Variants in GNAL observed in about 807,000 individuals in gnomAD.
The protein encoded by GNAL is guanine nucleotide-binding protein G(olf) subunit alpha.
GNAL carries 18 observed loss-of-function variants against 55.1 expected under a neutral mutation model. The ratio of observed to expected loss-of-function variants is 0.33; its 90% CI spans 0.23 to 0.48. GNAL has a LOEUF of 0.48. Among genes scored for constraint, GNAL ranks in the 20% least tolerant of loss-of-function variants. GNAL has a pLI of 0.99. For synonymous variants in GNAL, 253 were observed against 237.0 expected, an observed-to-expected ratio of 1.07 and a Z score of -0.62; for missense variants, 412 against 614.1, an observed-to-expected ratio of 0.67 and a Z score of 3.48.
chr18:11,851,995 C>G, intron 5 of GNAL: 1 of 1,613,666 alleles, frequency 6.2e-7, no homozygotes, highest in Non-Finnish European at 8.5e-7. Flanking sequence ...TGAGGCGGGC[C>G]TCGACCTCAA....
intron 1 of GNAL, 72 bp downstream of exon 1, chr18:11,690,011 G>T: frequency 2.2e-6 from 2 of 917,132 alleles, no homozygotes; most frequent in South Asian, 5.1e-5. Flanking sequence ...GGCGGGCACC[G>T]GGGAGCGGTG....
intron 8 of GNAL, 65 bp downstream of exon 8, chr18:11,867,291 A>T: frequency 1.0e-6 from 1 of 961,192 alleles, no homozygotes; most frequent in Non-Finnish European, 1.7e-6. Context: ...TGCTGTGCTT[A>T]ACTATTCTTG....
At chr18:11,794,027 C>G (rs1849964553) in intron 4 of GNAL, among the ~76,000 whole-genome samples, 1 of 151,948 alleles carries the variant, frequency 6.6e-6, no homozygotes. Context: ...TAGGGCAACA[C>G]AAATCAAAAC....
Position 11,853,483 on chromosome 18 carries a change from C to G in GNAL, c.723-8912C>G, listed in dbSNP as rs543617859. 6 of 167,142 alleles carry G rather than the reference C, an allele frequency of 3.6e-5. No homozygotes were observed. In the South Asian group the frequency reaches 1.2e-3, roughly 35 times the overall value. 10.4% of individuals were successfully genotyped at this position (167,142 alleles called of 1,614,324 possible). A position where few individuals can be genotyped will look rare whatever the true frequency, so the allele number is the denominator to read the frequency against. On this transcript the variant is annotated intron_variant, in intron 5 of 11. Coordinates refer to ENST00000334049, the MANE Select transcript of GNAL (RefSeq NM_182978.4). ...TTAATTCAAGTTTTTTTTAACTTACCCTTTCCTTCACTGGAAGATTTTTCC... is the reference window on the plus strand; with the variant it reads ...TTAATTCAAGTTTTTTTTAACTTACGCTTTCCTTCACTGGAAGATTTTTCC...
intron 4 of GNAL, among the ~76,000 whole-genome samples, chr18:11,772,940 C>T (rs1361545659): frequency 3.3e-5 from 5 of 152,214 alleles, no homozygotes; most frequent in South Asian, 2.1e-4. Context: ...GCATTGCCAT[C>T]GAGTGGTAGG....
rs1431492708 is a variant in GNAL at position 11,730,031 on chromosome 18, C to CTTT, written c.377-22820_377-22818dup. ...GTTGAAAGAGTTAAGTTTTTCTTTT[C>CTTT]TTTTCTTTTCTTTTTTTTTTGAGAC... is the stretch of plus-strand genomic sequence containing the variant. On this transcript the variant is annotated intron_variant, in intron 1 of 11. Transcript: ENST00000334049. Among the ~76,000 whole-genome samples, 475 of 151,386 alleles carry CTTT rather than the reference C, an allele frequency of 3.1e-3. 4 individuals are homozygous for CTTT. Among genetic ancestry groups the CTTT allele is most frequent in the African/African-American group, 0.011 (457 of 40,834 alleles).
chr18:11,728,559 G>A (rs563989309), intron 1 of GNAL, among the ~76,000 whole-genome samples: 1 of 152,236 alleles, frequency 6.6e-6, no homozygotes, highest in East Asian at 1.9e-4. Context: ...CAACTCAGGC[G>A]GGAGCTTAGA....
chr18:11,862,935 A>G (rs1013723469), intron 6 of GNAL, among the ~76,000 whole-genome samples: 1 of 144,744 alleles, frequency 6.9e-6, no homozygotes, highest in Non-Finnish European at 1.5e-5. Context: ...CTGGAGTGCT[A>G]TGTTGCAATC....
chr18:11,766,953 A>G (rs2033425650), intron 4 of GNAL, among the ~76,000 whole-genome samples: 1 of 152,132 alleles, frequency 6.6e-6, no homozygotes, highest in Admixed American at 6.5e-5. Flanking sequence ...CTTTAACTTT[A>G]CAGGTCCTTG....
chr18:11,828,237 G>C (rs2035298285), intron 5 of GNAL, among the ~76,000 whole-genome samples: 1 of 151,976 alleles, frequency 6.6e-6, no homozygotes, highest in South Asian at 2.1e-4. Flanking sequence ...TCGTTAAGCA[G>C]TCATTTAAGG....
Position 11,885,132 on chromosome 18 carries a change from C to CTT in GNAL, c.*3999_*4000dup, listed in dbSNP as rs2036993810. 1 of 1,036,514 alleles carries CTT rather than the reference C, an allele frequency of 9.6e-7. No homozygotes were observed. Among genetic ancestry groups the CTT allele is most frequent in the Admixed American group, 3.5e-5 (1 of 28,182 alleles). 64.2% of individuals were successfully genotyped at this position (1,036,514 alleles called of 1,614,324 possible). ...CAACAGTGGCAAATGTTTTCATTTA[C>CTT]TTTGAATTTGAAAATGTTAGGGTTT... On this transcript the variant is annotated 3_prime_UTR_variant, in exon 12 of 12. Transcript: ENST00000334049.
At position 11,884,375 on chromosome 18, in the gene GNAL, T is replaced by C. The variant is rs1474723863; in HGVS notation, c.*3240T>C. The C allele has an allele frequency of 6.7e-7, 1 of 1,495,690 alleles. No individual in the cohort carries two copies. The highest frequency in any genetic ancestry group is 1.4e-5 in the African/African-American group (1 of 72,086). The allele number at this position is 1,495,690 out of a possible 1,614,324, so 92.7% of individuals were successfully genotyped here. On this transcript the variant is annotated 3_prime_UTR_variant, in exon 12 of 12. Coordinates refer to ENST00000334049, the MANE Select transcript of GNAL (RefSeq NM_182978.4). ...GCCTGTAATTGGTCTCATCATCCAC[T>C]TGATTCTAACATGATCTCTGCCCAA... is the stretch of plus-strand genomic sequence containing the variant.
At chr18:11,857,847 C>G (rs2036044452) in intron 5 of GNAL, 4 of 373,150 alleles carry the variant, frequency 1.1e-5, no homozygotes, top group Non-Finnish European at 1.5e-5. Flanking sequence ...GCTGCCTCAG[C>G]CTCCTGAGTA....
intron 1 of GNAL, among the ~76,000 whole-genome samples, chr18:11,720,963 T>G (rs2032079441): frequency 6.6e-6 from 1 of 152,220 alleles, no homozygotes; most frequent in Non-Finnish European, 1.5e-5. Context: ...CCTTATAATT[T>G]TAGGTTGAAT....
intron 1 of GNAL, among the ~76,000 whole-genome samples, chr18:11,726,552 G>A (rs536057538): frequency 2.6e-5 from 4 of 152,286 alleles, no homozygotes; most frequent in East Asian, 1.9e-4. Flanking sequence ...ACCTCCTCGC[G>A]CCCTGGGGTT....
chr18:11,819,822 T>C (rs944774183), intron 4 of GNAL, among the ~76,000 whole-genome samples: 8 of 152,030 alleles, frequency 5.3e-5, no homozygotes, highest in Admixed American at 1.3e-4. Context: ...TTAAAATGTA[T>C]GAGATCTATA....
chr18:11,810,404 CT>C (rs1314566836), intron 4 of GNAL: 2 of 152,336 alleles, frequency 1.3e-5, no homozygotes, highest in Non-Finnish European at 2.9e-5. Context: ...CAAAAAAACC[CT>C]TGTTGGTTCC....
chr18:11,741,102 A>G (rs2032566324), intron 1 of GNAL, among the ~76,000 whole-genome samples: 1 of 152,276 alleles, frequency 6.6e-6, no homozygotes, highest in Non-Finnish European at 1.5e-5. Context: ...TAATTAATTC[A>G]TCAGTCATTA....
intron 1 of GNAL, among the ~76,000 whole-genome samples, chr18:11,750,323 C>T (rs542358116): frequency 1.2e-4 from 18 of 152,232 alleles, no homozygotes; most frequent in South Asian, 6.2e-4. Flanking sequence ...CAGACACCTG[C>T]GGCACCGTGG....
Sources: allele counts gnomAD v4.1 joint callset (sites outside exome capture counted in the v4.1 genomes callset), GRCh38; gene constraint gnomAD v4.1.1; transcripts MANE v1.5; gene names NCBI Gene and HGNC (gene_info 2026-07-23, HGNC 2026-07-21).